The following ZNF704 variants were observed in gnomAD, a reference collection of about 807,000 sequenced individuals.
ZNF704 encodes the protein zinc finger protein 704.
Under a neutral mutation model 44.7 loss-of-function variants are expected in ZNF704, and 10 were observed. The ratio of observed to expected loss-of-function variants is 0.22; its 90% CI spans 0.14 to 0.38. The LOEUF (loss-of-function observed/expected upper bound fraction) is 0.38. ZNF704 is among the 10% of genes least tolerant of loss of function. The pLI, the probability that ZNF704 is intolerant of heterozygous loss-of-function variation, is 1.00. For synonymous variants in ZNF704, 211 were observed against 207.6 expected (o/e 1.02, Z -0.14); for missense variants, 390 against 545.5 (o/e 0.71, Z 2.84).
intron 2 of ZNF704, among the ~76,000 whole-genome samples, chr8:80,774,588 G>A (rs572634669): frequency 6.6e-6 from 1 of 152,250 alleles, no homozygotes; most frequent in African/African-American, 2.4e-5. Context: ...GGTAATTACT[G>A]CCCAGGGGGG....
chr8:80,864,614 AC>A (rs1263379184), intron 1 of ZNF704, among the ~76,000 whole-genome samples: 2 of 152,178 alleles, frequency 1.3e-5, no homozygotes, highest in African/African-American at 4.8e-5. Context: ...CATCTCCCTA[AC>A]AGTGGGAGCA....
intron 2 of ZNF704, among the ~76,000 whole-genome samples, chr8:80,761,909 C>G (rs1807138086): frequency 1.3e-5 from 2 of 152,220 alleles, no homozygotes; most frequent in African/African-American, 4.8e-5. Context: ...TTGATGAGAT[C>G]TGTTAATAAA....
Position 80,636,001 on chromosome 8 carries a change from A to G in ZNF704, c.*5365T>C, listed in dbSNP as rs1182903480. 1 of 152,230 alleles carries G rather than the reference A, an allele frequency of 6.6e-6. No homozygotes were observed. Among genetic ancestry groups the G allele is most frequent in the East Asian group, 1.9e-4 (1 of 5,202 alleles). 9.4% of individuals were successfully genotyped at this position (152,230 alleles called of 1,614,324 possible). On this transcript the variant is annotated 3_prime_UTR_variant, in exon 9 of 9. Coordinates refer to ENST00000327835, the MANE Select transcript of ZNF704 (RefSeq NM_001033723.3). Reference sequence around the variant, plus strand: ...TATTTTAAAAAATAAGCTACAATGTATAAAACCAAGGTCATTTCTCACAAA... The same window carrying G: ...TATTTTAAAAAATAAGCTACAATGTGTAAAACCAAGGTCATTTCTCACAAA...
chr8:80,780,569 G>T (rs1177759907), intron 2 of ZNF704, among the ~76,000 whole-genome samples: 1 of 152,120 alleles, frequency 6.6e-6, no homozygotes, highest in African/African-American at 2.4e-5. Context: ...CTTGAGATGA[G>T]ATCATTTGGA....
chr8:80,728,256 A>C (rs747739649), intron 2 of ZNF704, among the ~76,000 whole-genome samples: 1 of 152,180 alleles, frequency 6.6e-6, no homozygotes, highest in Non-Finnish European at 1.5e-5. Flanking sequence ...AGAGGTAGGG[A>C]ATTTGCCTCA....
chr8:80,699,044 T>C (rs77927743), intron 2 of ZNF704, among the ~76,000 whole-genome samples: 5,249 of 152,232 alleles, frequency 0.034, 142 homozygotes, highest in Middle Eastern at 0.1. Flanking sequence ...AATAATATAT[T>C]CCTTAGATTA....
chr8:80,781,906 G>A (rs1174415357), intron 2 of ZNF704, among the ~76,000 whole-genome samples: 1 of 152,184 alleles, frequency 6.6e-6, no homozygotes, highest in African/African-American at 2.4e-5. Flanking sequence ...CTGAAGAATG[G>A]CTGGAGAATG....
At chr8:80,717,639 T>G (rs1362290615) in intron 2 of ZNF704, among the ~76,000 whole-genome samples, 1 of 152,248 alleles carries the variant, frequency 6.6e-6, no homozygotes, top group African/African-American at 2.4e-5. Context: ...CCCTGCTTTT[T>G]AAGTCCCCTT....
chr8:80,769,335 A>T (rs1807280552), intron 2 of ZNF704, among the ~76,000 whole-genome samples: 1 of 152,222 alleles, frequency 6.6e-6, no homozygotes. Context: ...CCCATGTATA[A>T]TTCACCCAGT....
intron 1 of ZNF704, among the ~76,000 whole-genome samples, chr8:80,872,881 G>GA (rs1449250822): frequency 4.6e-5 from 7 of 151,974 alleles, no homozygotes; most frequent in Admixed American, 3.9e-4. Flanking sequence ...TTTGAGGAGG[G>GA]AAAAAAACCT....
At chr8:80,807,638 CTTTT>C (rs1224797761) in intron 2 of ZNF704, among the ~76,000 whole-genome samples, 4 of 151,642 alleles carry the variant, frequency 2.6e-5, no homozygotes, top group Admixed American at 6.6e-5. Context: ...TAATCTATTT[CTTTT>C]GTTTGCATTT....
chr8:80,729,377 G>A (rs1434339705), intron 2 of ZNF704, among the ~76,000 whole-genome samples: 1 of 152,124 alleles, frequency 6.6e-6, no homozygotes, highest in African/African-American at 2.4e-5. Context: ...TATAAATGGG[G>A]TGATAATGTA....
At chr8:80,673,189 A>T (rs1416231053) in intron 4 of ZNF704, 1 of 152,208 alleles carries the variant, frequency 6.6e-6, no homozygotes, top group Non-Finnish European at 1.5e-5. Context: ...TATGGTTAAG[A>T]GGTTGGTGAA....
At chr8:80,851,457 A>T (rs375418040) in intron 1 of ZNF704, among the ~76,000 whole-genome samples, 2 of 152,006 alleles carry the variant, frequency 1.3e-5, no homozygotes, top group South Asian at 2.1e-4. Context: ...TCACATTCTC[A>T]GCAAACTATC....
At chr8:80,875,490 G>T (rs1390583356), upstream of ZNF704, among the ~76,000 whole-genome samples, 1 of 152,078 alleles carries the variant, frequency 6.6e-6, no homozygotes, top group Admixed American at 6.5e-5. Context: ...TTTTCGTAGA[G>T]ACAGGGTTTC....
chr8:80,857,885 T>G (rs1159186478), intron 1 of ZNF704, among the ~76,000 whole-genome samples: 1 of 152,152 alleles, frequency 6.6e-6, no homozygotes, highest in East Asian at 1.9e-4. Context: ...TAAATTCCAT[T>G]TCTTTTATTT....
At chr8:80,648,854 C>G (rs1817871512) in intron 7 of ZNF704, among the ~76,000 whole-genome samples, 1 of 152,192 alleles carries the variant, frequency 6.6e-6, no homozygotes, top group Non-Finnish European at 1.5e-5. Flanking sequence ...ACACCATTGT[C>G]TGACTTGAAC....
At chr8:80,825,387 AT>A (rs1563567200) in intron 1 of ZNF704, among the ~76,000 whole-genome samples, 1 of 152,236 alleles carries the variant, frequency 6.6e-6, no homozygotes, top group African/African-American at 2.4e-5. Context: ...TATCCTAAAT[AT>A]TTATATACCC....
chr8:80,635,435 G>A lies in ZNF704; in HGVS notation c.*5931C>T, dbSNP rs981341071. On this transcript the variant is annotated 3_prime_UTR_variant, in exon 9 of 9. Transcript: ENST00000327835. ...TATTTTTTCCCTCCACTATATTTTG[G>A]AAGCACTTGTTCTTATGTAGAAATT... 6.6e-6 allele frequency: 1 copy of A among 151,762 alleles called. No individual in the cohort carries two copies. The highest frequency in any genetic ancestry group is 2.4e-5 in the African/African-American group (1 of 41,308). The allele number at this position is 151,762 out of a possible 1,614,324, so 9.4% of individuals were successfully genotyped here. A position where few individuals can be genotyped will look rare whatever the true frequency, so the allele number is the denominator to read the frequency against.
Sources: gnomAD v4.1 joint callset for allele counts (sites outside exome capture counted in the v4.1 genomes callset) on GRCh38, gnomAD v4.1.1 for gene constraint, MANE v1.5 for transcripts, NCBI Gene and HGNC (gene_info 2026-07-23, HGNC 2026-07-21) for gene names.